The following GRIPAP1 variants were observed in gnomAD, a reference collection of about 807,000 sequenced individuals.
GRIPAP1 encodes the protein GRIP1 associated protein 1.
Under a neutral mutation model 84.1 loss-of-function variants are expected in GRIPAP1, and 14 were observed. That is an observed-to-expected ratio of 0.17 (90% CI 0.11 to 0.26). The LOEUF is 0.26. GRIPAP1 is among the 10% of genes least tolerant of loss of function. The pLI is 1.00. For synonymous variants in GRIPAP1, 261 were observed against 256.8 expected (o/e 1.02, Z -0.15); for missense variants, 518 against 674.2 (o/e 0.77, Z 2.57).
In GRIPAP1 at chrX:48,981,876, C is replaced by T. The variant is rs1557062352; in HGVS notation, c.1600-4G>A. The T allele has an allele frequency of 1.7e-6, 2 of 1,146,596 alleles. No homozygotes were observed. The highest frequency in any genetic ancestry group is 2.3e-6 in the Non-Finnish European group (2 of 858,119). The allele number at this position is 1,146,596 out of a possible 1,213,427, so 94.5% of individuals were successfully genotyped here. On this transcript the variant is annotated splice_polypyrimidine_tract_variant and splice_region_variant and intron_variant, in intron 17 of 25. Transcript: ENST00000376423. ...GCTGCTGCTGCTGCAGGGATTCCTACAAGACAAGTCCCAGGTCTGGCCACA... is the reference window on the plus strand; with the variant it reads ...GCTGCTGCTGCTGCAGGGATTCCTATAAGACAAGTCCCAGGTCTGGCCACA...
At chrX:48,987,615 G>C (rs2064497879) in intron 13 of GRIPAP1, among the ~76,000 whole-genome samples, 170 bp downstream of exon 13, 1 of 106,177 alleles carries the variant, frequency 9.4e-6, no homozygotes, top group African/African-American at 3.4e-5. Context: ...AAAAAAAGTA[G>C]GGATGGATGG....
chrX:48,978,028 G>A (rs2064432254), intron 22 of GRIPAP1: 1 of 261,458 alleles, frequency 3.8e-6, no homozygotes, highest in Non-Finnish European at 6.9e-6. Flanking sequence ...CTTCTCCTTG[G>A]ATGGTGCACC....
chrX:48,999,453 G>T lies in GRIPAP1; in HGVS notation c.94C>A (p.Arg32Ser). Residue 32 changes from arginine to serine, a missense_variant, in exon 2 of 26, where the codon CGC (arginine) becomes AGC (serine). Around this residue, in one of 5 missense-constraint regions of GRIPAP1, gnomAD observed 372 missense variants for 458.1 expected, o/e 0.81. Transcript: ENST00000376423. ...TNNYQLSDEL[R>S]KNGVELTSLR... The stretch of plus-strand genomic sequence containing the variant: ...CCTGGCTCACCAACACCATTCTTGC[G>T]TAGTTCATCTGAAAGCTGGTAGTTG... 1 of 1,203,496 alleles carries T rather than the reference G, an allele frequency of 8.3e-7. No individual in the cohort carries two copies.
At chrX:48,983,688 G>T in intron 15 of GRIPAP1, 87 bp downstream of exon 15, 1 of 635,228 alleles carries the variant, frequency 1.6e-6, no homozygotes, top group Non-Finnish European at 2.7e-6. Context: ...ATCCCCACAT[G>T]TTTGGTTATA....
intron 5 of GRIPAP1, among the ~76,000 whole-genome samples, chrX:48,996,911 C>T (rs2147749285): frequency 9.0e-6 from 1 of 111,327 alleles, no homozygotes; most frequent in Admixed American, 9.6e-5. Context: ...ACTTTTCCAT[C>T]CTATATTAAG....
intron 24 of GRIPAP1, 39 bp from the exon 25 acceptor site, chrX:48,975,348 G>A: frequency 8.5e-7 from 1 of 1,172,251 alleles, no homozygotes; most frequent in African/African-American, 1.8e-5. Flanking sequence ...CCTCGGCAGA[G>A]CCAGAGGAGA....
intron 4 of GRIPAP1, chrX:48,997,901 A>G (rs2064556330): frequency 2.5e-6 from 1 of 407,411 alleles, no homozygotes; most frequent in Non-Finnish European, 4.2e-6. Context: ...TGAGTCAGAG[A>G]GACAGGAACA....
chrX:48,990,395 A>AC (rs1183505345), intron 8 of GRIPAP1, among the ~76,000 whole-genome samples: 1 of 112,282 alleles, frequency 8.9e-6, no homozygotes, highest in Non-Finnish European at 1.9e-5. Context: ...AGGTCCTAAG[A>AC]TAAGAGCCAG....
chrX:48,980,230 TG>T (rs2064448234), intron 21 of GRIPAP1, among the ~76,000 whole-genome samples: 27 of 11,225 alleles, frequency 2.4e-3, no homozygotes, highest in Admixed American at 3.0e-3. Context: ...TAAAGTTGTG[TG>T]TGTGTGTGTG....
chrX:48,979,497 A>AT, intron 21 of GRIPAP1, among the ~76,000 whole-genome samples: 1 of 88,439 alleles, frequency 1.1e-5, no homozygotes, highest in East Asian at 3.7e-4. Context: ...AAAAAAAAAA[A>AT]AAAAAGAAAT....
intron 13 of GRIPAP1, 87 bp from the exon 14 acceptor site, chrX:48,985,489 C>T: frequency 1.3e-6 from 1 of 797,394 alleles, no homozygotes; most frequent in South Asian, 2.3e-5. Context: ...TCCAGGGAAA[C>T]AGGGAGGGAG....
chrX:49,001,143 T>C (rs1299360261), intron 1 of GRIPAP1, among the ~76,000 whole-genome samples: 4 of 111,768 alleles, frequency 3.6e-5, no homozygotes, highest in Non-Finnish European at 7.5e-5. Context: ...GGTAGGCCTC[T>C]ACAAGGCCTT....
intron 22 of GRIPAP1, 100 bp from the exon 23 acceptor site, chrX:48,976,463 G>T: frequency 1.0e-6 from 1 of 978,223 alleles, no homozygotes; most frequent in African/African-American, 1.9e-5. Flanking sequence ...AGAGGTGGGT[G>T]AGAGAACATG....
In GRIPAP1 at chrX:48,989,651, C is replaced by T. The variant is rs782567085; in HGVS notation, c.830G>A (p.Arg277Gln). 8.3e-6 allele frequency: 10 copies of T among 1,205,491 alleles called. No individual in the cohort carries two copies. The highest frequency in any genetic ancestry group is 2.2e-5 in the Admixed American group (1 of 45,703). ...KEADHKAQLA[R>Q]TQKLQQELEA... is the part of the protein sequence containing the mutation. ...AAGTTCCTGCTGCAGCTTCTGGGTTCGAGCCAACTGGGCTTTGTGATCAGC... is the reference window on the plus strand; with the variant it reads ...AAGTTCCTGCTGCAGCTTCTGGGTTTGAGCCAACTGGGCTTTGTGATCAGC... The change falls in exon 11 of 26, where the codon CGA becomes CAA. Residue 277 changes from arginine to glutamine, a missense_variant. This residue lies in a region of GRIPAP1 where 372 missense variants were observed against 458.1 expected (regional missense o/e 0.81). Coordinates refer to ENST00000376423, the MANE Select transcript of GRIPAP1 (RefSeq NM_020137.5).
intron 3 of GRIPAP1, 97 bp downstream of exon 3, chrX:48,999,141 T>C (rs782741882): frequency 5.2e-4 from 287 of 554,828 alleles, no homozygotes; most frequent in Admixed American, 2.7e-3. Flanking sequence ...CAACATTAGG[T>C]CTGGTTCACT....
Position 48,976,216 on chromosome X carries a change from GGGCAGGCA to G in GRIPAP1, c.2184+17_2184+24del, listed in dbSNP as rs782192142. The G allele has an allele frequency of 5.1e-6, 6 of 1,174,897 alleles. No homozygotes were observed. The highest frequency in any genetic ancestry group is 6.8e-6 in the Non-Finnish European group (6 of 877,377). ...CCACAAGGGCACTTCAAGTGGGGAT[GGGCAGGCA>G]GGCAGGCAGGCAGCACCTTCTCCTC... On this transcript the variant is annotated intron_variant, in intron 23 of 25. Transcript: ENST00000376423.
At chrX:48,995,582 A>T (rs782574212) in intron 5 of GRIPAP1, among the ~76,000 whole-genome samples, 1 of 111,142 alleles carries the variant, frequency 9.0e-6, no homozygotes, top group South Asian at 3.8e-4. Flanking sequence ...GCAGGGCCAC[A>T]GGGTGGATAT....
In GRIPAP1 at chrX:48,985,339, C is replaced by G. The variant is rs782702449; in HGVS notation, c.1105G>C (p.Glu369Gln). 69 of 1,204,009 alleles carry G rather than the reference C, an allele frequency of 5.7e-5. No individual in the cohort carries two copies. The highest frequency in any genetic ancestry group is 6.7e-5 in the Non-Finnish European group (60 of 889,866). The change falls in exon 14 of 26, where the codon GAG becomes CAG. Residue 369 changes from glutamate to glutamine, a missense_variant. Physicochemically the swap from Glu to Gln is conservative, Grantham distance 29. This residue lies in a region of GRIPAP1 where 372 missense variants were observed against 458.1 expected (regional missense o/e 0.81). Transcript: ENST00000376423. The part of the protein sequence containing the change: ...LREQTTGLAA[E>Q]LQQQQAEYED... The stretch of plus-strand genomic sequence containing the variant: ...TACTCAGCCTGCTGCTGCTGCAACT[C>G]AGCTGCCAGCCCAGTGGTCTGTTCC...
At chrX:48,998,125 T>C in intron 4 of GRIPAP1, 29 bp downstream of exon 4, 1 of 1,127,789 alleles carries the variant, frequency 8.9e-7, no homozygotes, top group Non-Finnish European at 1.2e-6. Flanking sequence ...CATCTCCCAG[T>C]CACACTCACC....
Sources: allele counts gnomAD v4.1 joint callset (sites outside exome capture counted in the v4.1 genomes callset), GRCh38; gene constraint gnomAD v4.1.1; regional missense constraint gnomAD v4.1.1; transcripts MANE v1.5; gene names NCBI Gene and HGNC (gene_info 2026-07-23, HGNC 2026-07-21).